Variants in PARVB observed in about 807,000 individuals in gnomAD.
The protein encoded by PARVB is parvin beta.
In PARVB, 46 loss-of-function variants were observed where a neutral mutation model predicts 47.0. The ratio of observed to expected loss-of-function variants is 0.98; its 90% CI spans 0.77 to 1.25. The LOEUF (loss-of-function observed/expected upper bound fraction) is 1.25. Ranked by LOEUF, PARVB falls within the 50% of genes most tolerant of loss-of-function variation. The pLI is 0.00. For missense variants in PARVB, 473 were observed against 471.6 expected (o/e 1.00, Z -0.03); for synonymous variants, 196 against 196.3 (o/e 1.00, Z 0.01).
At chr22:44,120,353 C>G (rs1007137610) in intron 4 of PARVB, among the ~76,000 whole-genome samples, 1 of 152,206 alleles carries the variant, frequency 6.6e-6, no homozygotes, top group East Asian at 1.9e-4. Flanking sequence ...TCTGGAACCG[C>G]CTTCCCTTTC....
chr22:43,999,830 AT>A (rs2050393430), intron 2 of PARVB, among the ~76,000 whole-genome samples: 1 of 101,714 alleles, frequency 9.8e-6, no homozygotes, highest in African/African-American at 4.9e-5. Flanking sequence ...AAACCCATCT[AT>A]ATGAAAAAAA....
At chr22:44,084,191 G>A (rs1190413874) in intron 1 of PARVB, among the ~76,000 whole-genome samples, 2 of 152,228 alleles carry the variant, frequency 1.3e-5, no homozygotes, top group Non-Finnish European at 2.9e-5. Flanking sequence ...AAGTCTCAGT[G>A]CAGTTCATTA....
At chr22:44,108,188 A>C (rs992492972) in intron 3 of PARVB, 3 of 152,150 alleles carry the variant, frequency 2.0e-5, no homozygotes, top group Admixed American at 6.5e-5. Context: ...GCTGTGCCTG[A>C]GTTCTAACCT....
Position 44,046,829 on chromosome 22 carries a change from C to A in PARVB, c.112+22378C>A, listed in dbSNP as rs546268603. ...GGAGATGGGAACTTGGAGACTGAGGCCAGAGTCTGCTGACTTGAGCCTCTG... is the reference window on the plus strand; with the variant it reads ...GGAGATGGGAACTTGGAGACTGAGGACAGAGTCTGCTGACTTGAGCCTCTG... On this transcript the variant is annotated intron_variant, in intron 1 of 12. Transcript: ENST00000338758. Among the ~76,000 whole-genome samples, 13 of 152,282 alleles carry A rather than the reference C, an allele frequency of 8.5e-5. 1 individual carries two copies. The South Asian group carries it at 2.7e-3, about 32-fold the overall frequency.
intron 1 of PARVB, among the ~76,000 whole-genome samples, chr22:44,074,939 C>T (rs932382017): frequency 4.6e-5 from 7 of 152,206 alleles, no homozygotes; most frequent in African/African-American, 1.4e-4. Flanking sequence ...ACTCCTGAGT[C>T]GGTGGGGACG....
chr22:44,024,543 C>A, intron 1 of PARVB, 92 bp downstream of exon 1: 1 of 463,736 alleles, frequency 2.2e-6, no homozygotes, highest in Non-Finnish European at 3.0e-6. Context: ...CCCCCGCCCT[C>A]CCCCACGCAC....
intron 1 of PARVB, among the ~76,000 whole-genome samples, chr22:44,035,325 A>G (rs946681980): frequency 6.7e-6 from 1 of 148,832 alleles, no homozygotes; most frequent in Non-Finnish European, 1.5e-5. Flanking sequence ...ATCTCAAGCT[A>G]TTCAGCTTCT....
intron 1 of PARVB, among the ~76,000 whole-genome samples, chr22:44,032,339 C>T (rs1248568343): frequency 1.3e-5 from 2 of 152,140 alleles, no homozygotes; most frequent in East Asian, 1.9e-4. Flanking sequence ...AGTCTTTTAC[C>T]TCCTCTGATG....
chr22:44,108,234 T>C (rs1375874233), intron 3 of PARVB: 1 of 152,218 alleles, frequency 6.6e-6, no homozygotes, highest in African/African-American at 2.4e-5. Flanking sequence ...AAAATGCTTT[T>C]CTGAGCTCTG....
chr22:44,066,056 T>A (rs2051517067), intron 1 of PARVB, among the ~76,000 whole-genome samples: 1 of 152,224 alleles, frequency 6.6e-6, no homozygotes, highest in Non-Finnish European at 1.5e-5. Context: ...AAGGAAGCCT[T>A]GCTCTTTCTT....
At chr22:44,074,286 C>T (rs997507054) in intron 1 of PARVB, among the ~76,000 whole-genome samples, 11 of 152,216 alleles carry the variant, frequency 7.2e-5, no homozygotes, top group African/African-American at 1.7e-4. Context: ...GCCTGCACGA[C>T]GGCCTGGGTG....
At chr22:44,033,831 C>T (rs961184352) in intron 1 of PARVB, among the ~76,000 whole-genome samples, 2 of 152,242 alleles carry the variant, frequency 1.3e-5, no homozygotes, top group African/African-American at 2.4e-5. Context: ...GGCCTGCGTA[C>T]GTTGCTTGCT....
At chr22:44,052,594 G>T (rs1400798794) in intron 1 of PARVB, among the ~76,000 whole-genome samples, 2 of 152,206 alleles carry the variant, frequency 1.3e-5, no homozygotes, top group Non-Finnish European at 2.9e-5. Context: ...AAGCATGAAA[G>T]CCCCTATAGA....
At chr22:44,087,846 G>GTTTTTTTTTTTTTTTTT (rs57893038) in intron 1 of PARVB, among the ~76,000 whole-genome samples, 3 of 121,290 alleles carry the variant, frequency 2.5e-5, no homozygotes, top group Non-Finnish European at 5.0e-5. Flanking sequence ...GAACGATGGT[G>GTTTTTTTTTTTTTTTTT]TTTTTTTTTT....
intron 1 of PARVB, among the ~76,000 whole-genome samples, chr22:44,050,188 C>T (rs535504769): frequency 9.2e-5 from 14 of 152,242 alleles, no homozygotes; most frequent in South Asian, 2.1e-4. Flanking sequence ...GATATGCGGC[C>T]GTCTTAAGGT....
Position 44,168,791 on chromosome 22 carries a change from T to C in PARVB, c.*113T>C, listed in dbSNP as rs2054230484. 1 of 711,728 alleles carries C rather than the reference T, an allele frequency of 1.4e-6. No homozygotes were observed. Among genetic ancestry groups the C allele is most frequent in the African/African-American group, 1.8e-5 (1 of 56,736 alleles). 44.1% of individuals were successfully genotyped at this position (711,728 alleles called of 1,614,324 possible). A position where few individuals can be genotyped will look rare whatever the true frequency, so the allele number is the denominator to read the frequency against. ...CATGGGCTTCTGGTCCAAGCTGTGT[T>C]GACTGTCATCCCCACCCCACCCCTA... On this transcript the variant is annotated 3_prime_UTR_variant, in exon 13 of 13. Coordinates refer to ENST00000338758, the MANE Select transcript of PARVB (RefSeq NM_013327.5).
At chr22:44,090,761 C>A (rs1446982557) in intron 1 of PARVB, among the ~76,000 whole-genome samples, 1 of 152,236 alleles carries the variant, frequency 6.6e-6, no homozygotes, top group African/African-American at 2.4e-5. Flanking sequence ...GTGAGCACTG[C>A]AGGCAGCTGT....
intron 10 of PARVB, among the ~76,000 whole-genome samples, chr22:44,157,668 C>T (rs916037009): frequency 6.6e-6 from 1 of 152,070 alleles, no homozygotes; most frequent in East Asian, 1.9e-4. Flanking sequence ...CACTTGAGCC[C>T]AGGAATTTGA....
In PARVB at chr22:44,100,097, G is replaced by C; in HGVS notation, c.247G>C (p.Asp83His). 1 of 1,614,068 alleles carries C rather than the reference G, an allele frequency of 6.2e-7. No individual in the cohort carries two copies. Among genetic ancestry groups the C allele is most frequent in the Non-Finnish European group, 8.5e-7 (1 of 1,179,936 alleles). ...GATGATTGACCCCACTTCCAAGGAA[G>C]ACCCCAAGTTCAAGGAACTGGTCAA... ...RTMIDPTSKEDPKFKELVKVL... is the reference protein window; with the variant it reads ...RTMIDPTSKEHPKFKELVKVL... The change falls in exon 3 of 13, where the codon GAC becomes CAC. Residue 83 changes from aspartate (D) to histidine (H), a missense_variant. Asp to His is a moderately conservative substitution (Grantham distance 81). Transcript: ENST00000338758.
Sources: gnomAD v4.1 joint callset for allele counts (sites outside exome capture counted in the v4.1 genomes callset) on GRCh38, gnomAD v4.1.1 for gene constraint, MANE v1.5 for transcripts, NCBI Gene and HGNC (gene_info 2026-07-23, HGNC 2026-07-21) for gene names.